The following INF2 variants were observed in gnomAD, a reference collection of about 807,000 sequenced individuals.
INF2 encodes inverted formin 2.
In INF2, 43 loss-of-function variants were observed where a neutral mutation model predicts 123.5. The observed-to-expected ratio is 0.35, with a 90% CI of 0.27 to 0.45. The LOEUF (loss-of-function observed/expected upper bound fraction) is 0.45. INF2 is among the 20% of genes least tolerant of loss of function. The probability of loss-of-function intolerance (pLI) is 1.00; values close to 1 mark genes in which losing one functional copy is unlikely to be tolerated. For missense variants in INF2, 1,453 were observed against 1,682.7 expected (o/e 0.86, Z 2.39); for synonymous variants, 851 against 745.0 (o/e 1.14, Z -2.32).
chr14:104,702,777 G>C (rs1889590877), intron 2 of INF2, among the ~76,000 whole-genome samples: 1 of 152,238 alleles, frequency 6.6e-6, no homozygotes, highest in African/African-American at 2.4e-5. Context: ...TGGGAGGCAG[G>C]GGTTCATAGG....
intron 22 of INF2, among the ~76,000 whole-genome samples, chr14:104,716,330 T>C (rs558777336): frequency 3.3e-5 from 5 of 152,396 alleles, no homozygotes; most frequent in African/African-American, 9.6e-5. Context: ...TTGTCCTCGC[T>C]GTTGGGGCAC....
intron 17 of INF2, 61 bp downstream of exon 17, chr14:104,712,614 C>T (rs1387612614): frequency 1.2e-6 from 2 of 1,608,144 alleles, no homozygotes; most frequent in South Asian, 1.1e-5. Flanking sequence ...GTGAGCTGGG[C>T]GAGTGGCTGT....
intron 1 of INF2, among the ~76,000 whole-genome samples, chr14:104,692,146 G>A (rs1198476490): frequency 6.6e-6 from 1 of 152,174 alleles, no homozygotes; most frequent in African/African-American, 2.4e-5. Context: ...CAGGGTCTGT[G>A]TGCTGGGTGA....
upstream of INF2, among the ~76,000 whole-genome samples, chr14:104,687,160 C>T (rs945842234): frequency 2.6e-5 from 4 of 152,122 alleles, no homozygotes; most frequent in African/African-American, 7.2e-5. This position sits in a 1 kb window ranked among gnomAD's most constrained non-coding sequence, Gnocchi z 5.6. Flanking sequence ...CTCCGGAAGC[C>T]GCAGGCAGTG....
intron 5 of INF2, among the ~76,000 whole-genome samples, chr14:104,705,568 A>G (rs1352932657): frequency 1.3e-5 from 2 of 152,070 alleles, no homozygotes; most frequent in Admixed American, 1.3e-4. Context: ...CCCAGTGAAC[A>G]CTAAGTTTCC....
intron 15 of INF2, among the ~76,000 whole-genome samples, 192 bp from the exon 16 acceptor site, chr14:104,711,437 G>A (rs1323128185): frequency 6.6e-6 from 1 of 152,174 alleles, no homozygotes; most frequent in Non-Finnish European, 1.5e-5. Flanking sequence ...CTGATCTGGG[G>A]GACAGTCCCT....
At chr14:104,707,174 T>C in intron 7 of INF2, 79 bp from the exon 8 acceptor site, 1 of 1,517,980 alleles carries the variant, frequency 6.6e-7, no homozygotes, top group Non-Finnish European at 8.8e-7. Flanking sequence ...GTGGCCGCTT[T>C]TTCCTGCCTC....
intron 13 of INF2, among the ~76,000 whole-genome samples, chr14:104,710,496 C>G (rs1238293234): frequency 6.6e-6 from 1 of 152,132 alleles, no homozygotes; most frequent in Non-Finnish European, 1.5e-5. Flanking sequence ...CACACGCATG[C>G]ACACCGCCAC....
chr14:104,707,145 C>A, intron 7 of INF2, 94 bp downstream of exon 7: 1 of 1,508,910 alleles, frequency 6.6e-7, no homozygotes. Context: ...GGCCCCAACC[C>A]ATCCTCTGCC....
In INF2 at chr14:104,699,540, G is replaced by C. The variant is rs1566776227; in HGVS notation, c.-9-1817G>C. On this transcript the variant is annotated intron_variant, in intron 1 of 22. Transcript: ENST00000392634. This position sits in a 1 kb window ranked among gnomAD's most constrained non-coding sequence, Gnocchi z 4.7. ...AGAAGCCAGGGGAGCGTGAGGAGCA[G>C]CCCAGGACAGGGCCCAGAGTGGGTG... 3 of 985,346 alleles carry C rather than the reference G, an allele frequency of 3.0e-6. No individual in the cohort carries two copies. In the South Asian group the frequency reaches 1.4e-4, roughly 46 times the overall value. The allele number at this position is 985,346 out of a possible 1,614,324, so 61.0% of individuals were successfully genotyped here. A position where few individuals can be genotyped will look rare whatever the true frequency, so the allele number is the denominator to read the frequency against.
chr14:104,682,286 G>A (rs1256296972), intron 1 of INF2, among the ~76,000 whole-genome samples: 1 of 151,870 alleles, frequency 6.6e-6, no homozygotes, highest in African/African-American at 2.4e-5. Flanking sequence ...TTGCCCAAGG[G>A]GCTTTAGCGG....
chr14:104,711,043 C>G, intron 14 of INF2, 36 bp downstream of exon 14: 1 of 1,608,928 alleles, frequency 6.2e-7, no homozygotes, highest in South Asian at 1.1e-5. Flanking sequence ...CACCTGGTGC[C>G]AGGGGCTGGT....
In INF2 at chr14:104,707,885, G is replaced by T; in HGVS notation, c.1618G>T (p.Ala540Ser). The change falls in exon 8 of 23, where the codon GCC (alanine) becomes TCC (serine). Residue 540 changes from alanine to serine, a missense_variant. Ala to Ser is a moderately conservative substitution (Grantham distance 99). Coordinates refer to ENST00000392634, the MANE Select transcript of INF2 (RefSeq NM_022489.4). ...VAGGMEEVIVAQVDHGLGSAW... is the reference protein window; with the variant it reads ...VAGGMEEVIVSQVDHGLGSAW... ...GGGAGGCATGGAGGAGGTCATCGTG[G>T]CCCAGGTGGACCATGGCTTGGGCTC... is the stretch of plus-strand genomic sequence containing the variant. 1 of 1,605,992 alleles carries T rather than the reference G, an allele frequency of 6.2e-7. No individual in the cohort carries two copies. Among genetic ancestry groups the T allele is most frequent in the Middle Eastern group, 1.7e-4 (1 of 6,060 alleles).
chr14:104,685,896 C>A (rs576928630), upstream of INF2, among the ~76,000 whole-genome samples: 72 of 91,948 alleles, frequency 7.8e-4, no homozygotes, highest in Admixed American at 4.1e-3. Flanking sequence ...AATGAATGGG[C>A]AGATGAATGG....
At position 104,712,452 on chromosome 14, in the gene INF2, C is replaced by T. The variant is rs201534539; in HGVS notation, c.2509C>T (p.Arg837Cys). 369 of 1,612,582 alleles carry T rather than the reference C, an allele frequency of 2.3e-4. No individual in the cohort carries two copies. The highest frequency in any genetic ancestry group is 8.5e-4 in the Admixed American group (51 of 60,010). The change falls in exon 17 of 23, where the codon CGC becomes TGC. Residue 837 changes from arginine (R) to cysteine (C), a missense_variant. By Grantham distance (180) the Arg-to-Cys change is radical. Around this residue, in one of 8 missense-constraint regions of INF2, gnomAD observed 212 missense variants for 266.2 expected, o/e 0.80. Coordinates refer to ENST00000392634, the MANE Select transcript of INF2 (RefSeq NM_022489.4). ...TTTCAGGATCAACCTGGAGATCATC[C>T]GCTCAGAGGCCAGCTCCAACCTGAA... ...QAAGINLEII[R>C]SEASSNLKKL...
At chr14:104,683,125 G>A (rs1196953287) in intron 1 of INF2, among the ~76,000 whole-genome samples, 2 of 145,988 alleles carry the variant, frequency 1.4e-5, no homozygotes, top group African/African-American at 4.9e-5. Context: ...AACCCAAGGA[G>A]CAGCAAAGGT....
chr14:104,715,582 C>T, intron 22 of INF2: 1 of 610,162 alleles, frequency 1.6e-6, no homozygotes, highest in Non-Finnish European at 2.9e-6. Context: ...TCAGTGCTGG[C>T]CCCGGGCATG....
chr14:104,691,674 G>A (rs1303593764), intron 1 of INF2, among the ~76,000 whole-genome samples: 1 of 152,182 alleles, frequency 6.6e-6, no homozygotes, highest in African/African-American at 2.4e-5. Context: ...CAGGCCTAGT[G>A]GACACCTAAA....
intron 1 of INF2, among the ~76,000 whole-genome samples, chr14:104,693,359 C>G (rs1257587621): frequency 1.3e-5 from 2 of 152,202 alleles, no homozygotes; most frequent in Non-Finnish European, 2.9e-5. Context: ...GGCAGAGGCC[C>G]CCAGGCAGCC....
Sources: gnomAD v4.1 joint callset for allele counts (sites outside exome capture counted in the v4.1 genomes callset) on GRCh38, gnomAD v4.1.1 for gene constraint, gnomAD v4.1.1 regional missense constraint, Gnocchi (gnomAD v3.1) non-coding constraint, MANE v1.5 for transcripts, NCBI Gene and HGNC (gene_info 2026-07-23, HGNC 2026-07-21) for gene names.